The following MAN1C1 variants were observed in gnomAD, a reference collection of about 807,000 sequenced individuals.
MAN1C1 encodes mannosidase alpha class 1C member 1, also known as mannosyl-oligosaccharide 1,2-alpha-mannosidase IC.
MAN1C1 carries 49 observed loss-of-function variants against 71.5 expected under a neutral mutation model. The observed-to-expected ratio is 0.69, with a 90% CI of 0.54 to 0.87. The LOEUF is 0.87. MAN1C1 is among the 40% of genes least tolerant of loss of function. MAN1C1 has a pLI of 0.00. For synonymous variants in MAN1C1, 352 were observed against 343.7 expected (o/e 1.02, Z -0.27); for missense variants, 743 against 835.0 (o/e 0.89, Z 1.36).
intron 7 of MAN1C1, among the ~76,000 whole-genome samples, chr1:25,771,074 A>T (rs2047544672): frequency 6.6e-6 from 1 of 152,216 alleles, no homozygotes; most frequent in African/African-American, 2.4e-5. Flanking sequence ...ACTGTCCAGC[A>T]GGCAGAGGCC....
At chr1:25,663,080 G>A (rs1262921983) in intron 1 of MAN1C1, among the ~76,000 whole-genome samples, 2 of 148,086 alleles carry the variant, frequency 1.4e-5, no homozygotes, top group Non-Finnish European at 3.0e-5. Flanking sequence ...AATAGAGTGA[G>A]ACTCCATCTC....
At position 25,763,938 on chromosome 1, in the gene MAN1C1, T is replaced by G; in HGVS notation, c.1112T>G (p.Leu371Arg). 6.2e-7 allele frequency: 1 copy of G among 1,613,914 alleles called. No homozygotes were observed. Among genetic ancestry groups the G allele is most frequent in the Non-Finnish European group, 8.5e-7 (1 of 1,179,988 alleles). Reference sequence around the variant, plus strand: ...CCCTTTGGCCTCTACCCCAACTTCCTCAGCCCAGTGAGTGGGAACTGGGTG... The same window carrying G: ...CCCTTTGGCCTCTACCCCAACTTCCGCAGCCCAGTGAGTGGGAACTGGGTG... ...EKPFGLYPNF[L>R]SPVSGNWVQH... The change falls in exon 7 of 12, where the codon CTC becomes CGC. Residue 371 changes from leucine (L) to arginine (R), a missense_variant. By Grantham distance (102) the Leu-to-Arg change is moderately radical (BLOSUM62 -2). Coordinates refer to ENST00000374332, the MANE Select transcript of MAN1C1 (RefSeq NM_020379.4).
At chr1:25,620,701 A>T (rs1315821405) in intron 1 of MAN1C1, among the ~76,000 whole-genome samples, 1 of 152,160 alleles carries the variant, frequency 6.6e-6, no homozygotes, top group Non-Finnish European at 1.5e-5. Flanking sequence ...GGCATCAGAT[A>T]AAAAAAGGCC....
At position 25,749,338 on chromosome 1, in the gene MAN1C1, G is replaced by A. The variant is rs1388687423; in HGVS notation, c.834+3G>A. Reference sequence around the variant, plus strand: ...CCTTCTACCTGACAGGAGAAGAGGTGGGTTGGCCTTTCATGACCCCTGAAC... The same window carrying A: ...CCTTCTACCTGACAGGAGAAGAGGTAGGTTGGCCTTTCATGACCCCTGAAC... On this transcript the variant is annotated splice_donor_region_variant and intron_variant, in intron 4 of 11. Coordinates refer to ENST00000374332, the MANE Select transcript of MAN1C1 (RefSeq NM_020379.4). 6.2e-7 allele frequency: 1 copy of A among 1,608,954 alleles called. No homozygotes were observed. The highest frequency in any genetic ancestry group is 8.5e-7 in the Non-Finnish European group (1 of 1,177,040).
chr1:25,660,719 C>T (rs1302330205), intron 1 of MAN1C1, among the ~76,000 whole-genome samples: 1 of 150,756 alleles, frequency 6.6e-6, no homozygotes, highest in Admixed American at 6.6e-5. Context: ...GAGACAGACT[C>T]TTACTCTATC....
chr1:25,711,633 G>C lies in MAN1C1; in HGVS notation c.637+25097G>C, dbSNP rs926648240. The stretch of plus-strand genomic sequence containing the variant: ...TGAGCACCACTGTGTGCCAGGCCCT[G>C]CTCCCTGCGGCCCCGCCCCTCCTCC... On this transcript the variant is annotated intron_variant, in intron 2 of 11. Coordinates refer to ENST00000374332, the MANE Select transcript of MAN1C1 (RefSeq NM_020379.4). The surrounding 1 kb of genome is among the most constrained non-coding windows in gnomAD (Gnocchi z 4.3). 6.6e-6 allele frequency among the ~76,000 whole-genome samples: 1 copy of C among 151,794 alleles called. No individual in the cohort carries two copies. The highest frequency in any genetic ancestry group is 6.6e-5 in the Admixed American group (1 of 15,236).
In MAN1C1 at chr1:25,764,482, G is replaced by A. The variant is rs1572203924; in HGVS notation, c.1141+515G>A. Reference sequence around the variant, plus strand: ...GGCCGGAGTGCAGTGGCACGATCTCGGCTCACTGCAACCTCTGCCTCCCAG... The same window carrying A: ...GGCCGGAGTGCAGTGGCACGATCTCAGCTCACTGCAACCTCTGCCTCCCAG... On this transcript the variant is annotated intron_variant, in intron 7 of 11. Transcript: ENST00000374332. This position sits in a 1 kb window ranked among gnomAD's most constrained non-coding sequence, Gnocchi z 4.4. Among the ~76,000 whole-genome samples the A allele has an allele frequency of 1.3e-5, 2 of 151,786 alleles. No individual in the cohort carries two copies. The highest frequency in any genetic ancestry group is 2.9e-5 in the Non-Finnish European group (2 of 67,970).
chr1:25,717,668 C>T (rs1003181553), intron 2 of MAN1C1, among the ~76,000 whole-genome samples: 18 of 151,756 alleles, frequency 1.2e-4, no homozygotes, highest in Non-Finnish European at 1.8e-4. Context: ...CTCCGCCTCC[C>T]GGGTTCAAGC....
At chr1:25,763,034 G>A (rs944899500) in intron 6 of MAN1C1, among the ~76,000 whole-genome samples, 11 of 152,010 alleles carry the variant, frequency 7.2e-5, no homozygotes, top group African/African-American at 1.4e-4. Context: ...TTGGGAGGCC[G>A]AGGCTGGTGG....
chr1:25,733,333 C>T (rs1359309038), intron 2 of MAN1C1, among the ~76,000 whole-genome samples: 1 of 152,058 alleles, frequency 6.6e-6, no homozygotes, highest in African/African-American at 2.4e-5. Context: ...CCATCCAGAC[C>T]CCCTTTCTTG....
chr1:25,718,839 A>G (rs903818071), intron 2 of MAN1C1, among the ~76,000 whole-genome samples: 9 of 152,138 alleles, frequency 5.9e-5, no homozygotes, highest in African/African-American at 2.2e-4. Context: ...GTTGATGGAC[A>G]TTTGGGTTGT....
chr1:25,739,999 A>G (rs2047037771), intron 2 of MAN1C1, among the ~76,000 whole-genome samples: 1 of 151,948 alleles, frequency 6.6e-6, no homozygotes, highest in African/African-American at 2.4e-5. Context: ...CTAAATACTT[A>G]CGGGCCCCCG....
chr1:25,776,309 G>T lies in MAN1C1; in HGVS notation c.1258-1796G>T, dbSNP rs1346150943. On this transcript the variant is annotated intron_variant, in intron 8 of 11. Coordinates refer to ENST00000374332, the MANE Select transcript of MAN1C1 (RefSeq NM_020379.4). This position sits in a 1 kb window ranked among gnomAD's most constrained non-coding sequence, Gnocchi z 4.3. The stretch of plus-strand genomic sequence containing the variant: ...CTCACGCCTGTAATCCCAACATTTT[G>T]GGAGGCCGAGGTGGGTGGATCCCCT... Among the ~76,000 whole-genome samples, 1 of 152,098 alleles carries T rather than the reference G, an allele frequency of 6.6e-6. No homozygotes were observed. Among genetic ancestry groups the T allele is most frequent in the Non-Finnish European group, 1.5e-5 (1 of 68,012 alleles).
At chr1:25,770,783 T>C (rs1437223479) in intron 7 of MAN1C1, among the ~76,000 whole-genome samples, 1 of 140,822 alleles carries the variant, frequency 7.1e-6, no homozygotes, top group East Asian at 2.4e-4. Flanking sequence ...ACTCTGCCCA[T>C]TCCCCCCGCC....
Position 25,778,392 on chromosome 1 carries a change from C to G in MAN1C1, c.1477+68C>G. The G allele has an allele frequency of 1.3e-6, 2 of 1,481,524 alleles. No individual in the cohort carries two copies. The highest frequency in any genetic ancestry group is 1.8e-6 in the Non-Finnish European group (2 of 1,096,142). The allele number at this position is 1,481,524 out of a possible 1,614,324, so 91.8% of individuals were successfully genotyped here. A position where few individuals can be genotyped will look rare whatever the true frequency, so the allele number is the denominator to read the frequency against. Reference sequence around the variant, plus strand: ...AGACACCAGGAAGAACTGGAAAGACCGGCAGCAGTGAGCGAAGGGAGCACA... The same window carrying G: ...AGACACCAGGAAGAACTGGAAAGACGGGCAGCAGTGAGCGAAGGGAGCACA... On this transcript the variant is annotated intron_variant, in intron 9 of 11. Transcript: ENST00000374332. The surrounding 1 kb of genome is among the most constrained non-coding windows in gnomAD (Gnocchi z 5.5).
intron 1 of MAN1C1, among the ~76,000 whole-genome samples, chr1:25,629,672 C>T (rs1009534776): frequency 2.0e-5 from 3 of 152,008 alleles, no homozygotes; most frequent in African/African-American, 4.8e-5. Flanking sequence ...CTGCCCACCT[C>T]GGCCTCCCAA....
chr1:25,694,092 G>A (rs75133012), intron 2 of MAN1C1, among the ~76,000 whole-genome samples: 1,664 of 152,326 alleles, frequency 0.011, 11 homozygotes, highest in Non-Finnish European at 0.019. Context: ...AAATTGCCTA[G>A]TGCAGTCTCT....
At chr1:25,691,070 A>G (rs1188636278) in intron 2 of MAN1C1, among the ~76,000 whole-genome samples, 2 of 152,216 alleles carry the variant, frequency 1.3e-5, no homozygotes, top group South Asian at 2.1e-4. Context: ...TAGTCCCAGC[A>G]CTGTGGGAGG....
intron 2 of MAN1C1, among the ~76,000 whole-genome samples, chr1:25,717,999 T>TAC (rs71577794): frequency 0.018 from 2,684 of 148,498 alleles, 24 homozygotes; most frequent in Middle Eastern, 0.031. Flanking sequence ...TAGCTTTATT[T>TAC]ACACACACAC....
Sources: allele counts gnomAD v4.1 joint callset (sites outside exome capture counted in the v4.1 genomes callset), GRCh38; gene constraint gnomAD v4.1.1; non-coding constraint Gnocchi (gnomAD v3.1); transcripts MANE v1.5; gene names NCBI Gene and HGNC (gene_info 2026-07-23, HGNC 2026-07-21).